DYRK1A: variants seen among roughly 807,000 people sequenced by gnomAD.
The protein encoded by DYRK1A is dual specificity tyrosine phosphorylation regulated kinase 1A.
A neutral mutation model predicts 79.7 loss-of-function variants in DYRK1A; 9 were observed. The ratio of observed to expected loss-of-function variants is 0.11; its 90% confidence interval spans 0.07 to 0.20. The LOEUF is 0.20. Among genes scored for constraint, DYRK1A ranks in the 10% least tolerant of loss-of-function variants. The pLI, the probability that DYRK1A is intolerant of heterozygous loss-of-function variation, is 1.00. For synonymous variants in DYRK1A, 349 were observed against 329.7 expected, an observed-to-expected ratio of 1.06 and a Z score of -0.63; for missense variants, 622 against 956.0, an observed-to-expected ratio of 0.65 and a Z score of 4.61.
intron 8 of DYRK1A, 39 bp downstream of exon 8, chr21:37,493,202 T>C (rs1295399266): frequency 6.4e-7 from 1 of 1,556,928 alleles, no homozygotes; most frequent in Admixed American, 1.7e-5. Flanking sequence ...GTTTTCATAA[T>C]TTCTTTTTGT....
intron 1 of DYRK1A, among the ~76,000 whole-genome samples, chr21:37,377,390 A>G (rs535833346): frequency 6.6e-6 from 1 of 152,248 alleles, no homozygotes; most frequent in Admixed American, 6.5e-5. Flanking sequence ...AAGTGCTGGG[A>G]TTACAGGCTT....
rs187703347 is a variant in DYRK1A at position 37,515,844 on chromosome 21, C to T, written c.*3313C>T. Reference sequence around the variant, plus strand: ...GGATATTGGGCTGAAAAAAAAAAACCGACATTTTTATTTAAAACTACATGT... The same window carrying T: ...GGATATTGGGCTGAAAAAAAAAAACTGACATTTTTATTTAAAACTACATGT... On this transcript the variant is annotated 3_prime_UTR_variant, in exon 12 of 12. Transcript: ENST00000647188. 2.0e-4 allele frequency: 31 copies of T among 151,640 alleles called. No individual in the cohort carries two copies. Among genetic ancestry groups the T allele is most frequent in the South Asian group, 6.3e-4 (3 of 4,800 alleles). 9.4% of individuals were successfully genotyped at this position (151,640 alleles called of 1,614,324 possible).
At chr21:37,390,245 A>G (rs1315860278) in intron 1 of DYRK1A, among the ~76,000 whole-genome samples, 1 of 152,102 alleles carries the variant, frequency 6.6e-6, no homozygotes, top group South Asian at 2.1e-4. Context: ...TTGGGCCGCA[A>G]TTTTGGGGTC....
rs1259222314 is a variant in DYRK1A at position 37,371,659 on chromosome 21, T to A, written c.-77+4031T>A. ...TAGGTTTTGACAAGTTACATAATTT[T>A]TTTTTGGTTTGGGGCAGATGCTCAT... On this transcript the variant is annotated intron_variant, in intron 1 of 11. Coordinates refer to ENST00000647188, the MANE Select transcript of DYRK1A (RefSeq NM_001347721.2). Among the ~76,000 whole-genome samples, 5 of 152,250 alleles carry A rather than the reference T, an allele frequency of 3.3e-5. No individual in the cohort carries two copies. In the East Asian group the frequency reaches 7.7e-4, roughly 23 times the overall value.
rs762185627 is a variant in DYRK1A, at chr21:37,515,507, G to C, written c.*2976G>C. The C allele has an allele frequency of 1.3e-5, 2 of 152,084 alleles. No homozygotes were observed. The highest frequency in any genetic ancestry group is 2.9e-5 in the Non-Finnish European group (2 of 68,026). The allele number at this position is 152,084 out of a possible 1,614,324, so 9.4% of individuals were successfully genotyped here. Reference sequence around the variant, plus strand: ...CTGATGGTTTTCTCTGATATGCTTTGACGTGCTTGGATGAAGGAAGGAATA... The same window carrying C: ...CTGATGGTTTTCTCTGATATGCTTTCACGTGCTTGGATGAAGGAAGGAATA... On this transcript the variant is annotated 3_prime_UTR_variant, in exon 12 of 12. Coordinates refer to ENST00000647188, the MANE Select transcript of DYRK1A (RefSeq NM_001347721.2).
At chr21:37,505,180 A>G in intron 9 of DYRK1A, 103 bp from the exon 10 acceptor site, 1 of 900,268 alleles carries the variant, frequency 1.1e-6, no homozygotes, top group South Asian at 1.7e-5. Flanking sequence ...CCTTTTTAAT[A>G]AAGGCCTCAA....
intron 6 of DYRK1A, chr21:37,487,325 C>G (rs965759272): frequency 6.6e-6 from 1 of 152,128 alleles, no homozygotes; most frequent in African/African-American, 2.4e-5. Flanking sequence ...CATAGTCTTC[C>G]TTCTGAAAAC....
intron 8 of DYRK1A, among the ~76,000 whole-genome samples, chr21:37,494,351 C>T (rs1484574078): frequency 6.6e-6 from 1 of 151,884 alleles, no homozygotes; most frequent in Non-Finnish European, 1.5e-5. Context: ...TTGTAAAGGC[C>T]GAGGTCCTTT....
intron 2 of DYRK1A, among the ~76,000 whole-genome samples, chr21:37,441,171 G>C (rs552317639): frequency 2.8e-4 from 43 of 152,180 alleles, no homozygotes; most frequent in African/African-American, 1.0e-3. Flanking sequence ...ATATTCTTCA[G>C]ACTGCAGCAT....
intron 2 of DYRK1A, among the ~76,000 whole-genome samples, chr21:37,435,856 T>C (rs1269309736): frequency 6.6e-6 from 1 of 152,194 alleles, no homozygotes; most frequent in African/African-American, 2.4e-5. Context: ...TCTGTTGAAT[T>C]TGAAGATCAG....
chr21:37,397,760 T>A (rs1189125140), intron 1 of DYRK1A, among the ~76,000 whole-genome samples: 1 of 152,122 alleles, frequency 6.6e-6, no homozygotes, highest in African/African-American at 2.4e-5. Context: ...CTGAATTTTT[T>A]AACAAGCCCC....
intron 2 of DYRK1A, 72 bp downstream of exon 2, chr21:37,420,456 G>A (rs918554410): frequency 1.3e-6 from 2 of 1,511,246 alleles, no homozygotes; most frequent in African/African-American, 1.4e-5. Flanking sequence ...ATTTTGAATG[G>A]GGGAGGTTTC....
intron 5 of DYRK1A, among the ~76,000 whole-genome samples, chr21:37,484,344 T>TTTTC (rs996577927): frequency 4.6e-5 from 7 of 151,170 alleles, no homozygotes; most frequent in African/African-American, 1.7e-4. Context: ...TTTTTTTTTT[T>TTTTC]TGAGATGGAG....
chr21:37,388,151 C>T (rs1240640431), intron 1 of DYRK1A, among the ~76,000 whole-genome samples: 3 of 131,584 alleles, frequency 2.3e-5, no homozygotes, highest in Admixed American at 1.7e-4. Context: ...GTGCAGTGGT[C>T]ATGGCATACA....
rs1201867927 is a variant in DYRK1A, at chr21:37,462,484, C to T, written c.11-10200C>T. ...TTCTCCACTGTAGCCTGTTTGAACA[C>T]TCAATGTCTTACAGTCTTGTGTGAA... On this transcript the variant is annotated intron_variant, in intron 2 of 11. Coordinates refer to ENST00000647188, the MANE Select transcript of DYRK1A (RefSeq NM_001347721.2). 2.0e-5 allele frequency among the ~76,000 whole-genome samples: 3 copies of T among 152,184 alleles called. No individual in the cohort carries two copies. The East Asian group carries it at 5.8e-4, about 29-fold the overall frequency.
At chr21:37,446,225 C>T (rs544684392) in intron 2 of DYRK1A, among the ~76,000 whole-genome samples, 17 of 152,302 alleles carry the variant, frequency 1.1e-4, no homozygotes, top group African/African-American at 3.8e-4. Flanking sequence ...TCTCAACGCT[C>T]TCATTTTGCA....
Position 37,469,216 on chromosome 21 carries a change from A to G in DYRK1A, c.11-3468A>G, listed in dbSNP as rs1316105823. ...AATTTTTCATAAACTGCTAGTGGAT[A>G]AATTGATTGGAACAAAAAAAGACCA... On this transcript the variant is annotated intron_variant, in intron 2 of 11. Coordinates refer to ENST00000647188, the MANE Select transcript of DYRK1A (RefSeq NM_001347721.2). Among the ~76,000 whole-genome samples, 6 of 152,318 alleles carry G rather than the reference A, an allele frequency of 3.9e-5. No homozygotes were observed. In the East Asian group the frequency reaches 1.2e-3, roughly 29 times the overall value.
chr21:37,506,027 CT>C, intron 10 of DYRK1A, 71 bp from the exon 11 acceptor site: 1 of 1,516,378 alleles, frequency 6.6e-7, no homozygotes, highest in Non-Finnish European at 8.9e-7. Flanking sequence ...AATGGTATAG[CT>C]TCAGAGTATA....
intron 1 of DYRK1A, among the ~76,000 whole-genome samples, chr21:37,386,563 T>C (rs1176312619): frequency 6.6e-6 from 1 of 152,206 alleles, no homozygotes; most frequent in East Asian, 1.9e-4. Flanking sequence ...TTTCCTCAGT[T>C]CTTTTAGCTG....
Sources: allele counts gnomAD v4.1 joint callset (sites outside exome capture counted in the v4.1 genomes callset), GRCh38; gene constraint gnomAD v4.1.1; transcripts MANE v1.5; gene names NCBI Gene and HGNC (gene_info 2026-07-23, HGNC 2026-07-21).